The following P2RX7 variants were observed in gnomAD, a reference collection of about 807,000 sequenced individuals.
The protein encoded by P2RX7 is purinergic receptor P2X 7.
Under a neutral mutation model 71.6 loss-of-function variants are expected in P2RX7, and 62 were observed. The observed-to-expected ratio is 0.87, with a 90% CI of 0.71 to 1.07. P2RX7 has a LOEUF of 1.07. Among genes scored for constraint, P2RX7 ranks in the 50% least tolerant of loss-of-function variants. The probability of loss-of-function intolerance (pLI) is 0.00; values close to 1 mark genes in which losing one functional copy is unlikely to be tolerated. For synonymous variants in P2RX7, 299 were observed against 283.3 expected, an observed-to-expected ratio of 1.06 and a Z score of -0.56; for missense variants, 686 against 748.5, an observed-to-expected ratio of 0.92 and a Z score of 0.97.
intron 3 of P2RX7, among the ~76,000 whole-genome samples, chr12:121,157,235 C>T (rs1359323783): frequency 6.6e-6 from 1 of 152,194 alleles, no homozygotes; most frequent in Non-Finnish European, 1.5e-5. Context: ...CACTGATGAG[C>T]AGGACCAGCC....
chr12:121,133,096 G>A lies in P2RX7; in HGVS notation c.125+1G>A. On this transcript the variant is annotated splice_donor_variant, in intron 1 of 12. Coordinates refer to ENST00000328963, the MANE Select transcript of P2RX7 (RefSeq NM_002562.6). LOFTEE classifies it high-confidence loss of function. ...ACGTGATCATCTTTTCCTACGTTTG[G>A]TAAGTGGGATCTGGGGAGGACCCAG... The A allele has an allele frequency of 6.2e-7, 1 of 1,614,148 alleles. No homozygotes were observed. Among genetic ancestry groups the A allele is most frequent in the Non-Finnish European group, 8.5e-7 (1 of 1,180,004 alleles).
chr12:121,137,846 A>G (rs1874017769), intron 1 of P2RX7, among the ~76,000 whole-genome samples: 1 of 152,266 alleles, frequency 6.6e-6, no homozygotes, highest in African/African-American at 2.4e-5. Context: ...GGTTCTGGCC[A>G]GCTGTCCCTA....
chr12:121,154,851 G>A lies in P2RX7; in HGVS notation c.192G>A (p.Lys64=). The A allele has an allele frequency of 6.2e-7, 1 of 1,614,226 alleles. No homozygotes were observed. The highest frequency in any genetic ancestry group is 8.5e-7 in the Non-Finnish European group (1 of 1,180,038). The change falls in exon 2 of 13, where the codon AAG becomes AAA. Residue 64 remains lysine, a synonymous_variant. Coordinates refer to ENST00000328963, the MANE Select transcript of P2RX7 (RefSeq NM_002562.6). The surrounding 1 kb of genome is among the most constrained non-coding windows in gnomAD (Gnocchi z 4.2). ...KEPVISSVHT[K]VKGIAEVKEE... ...CTGTCATCAGTTCTGTGCACACCAAGGTGAAGGGGATAGCAGAGGTGAAAG... is the reference window on the plus strand; with the variant it reads ...CTGTCATCAGTTCTGTGCACACCAAAGTGAAGGGGATAGCAGAGGTGAAAG...
rs780351949 is a variant in P2RX7, at chr12:121,187,135, G to C, written c.*2333G>C. 2 of 152,130 alleles carry C rather than the reference G, an allele frequency of 1.3e-5. No homozygotes were observed. Among genetic ancestry groups the C allele is most frequent in the Non-Finnish European group, 2.9e-5 (2 of 68,022 alleles). The allele number at this position is 152,130 out of a possible 1,614,324, so 9.4% of individuals were successfully genotyped here. A position where few individuals can be genotyped will look rare whatever the true frequency, so the allele number is the denominator to read the frequency against. On this transcript the variant is annotated 3_prime_UTR_variant, in exon 13 of 13. Coordinates refer to ENST00000328963, the MANE Select transcript of P2RX7 (RefSeq NM_002562.6). The stretch of plus-strand genomic sequence containing the variant: ...GGTCACTAGAGTTGGCTATTTATCT[G>C]TTTCTAAACAATAGCTATTTTATCG...
intron 5 of P2RX7, among the ~76,000 whole-genome samples, chr12:121,163,097 G>C (rs1022350553): frequency 6.6e-6 from 1 of 152,010 alleles, no homozygotes; most frequent in Admixed American, 6.6e-5. Context: ...GAAGCCACAA[G>C]GGCTGATGTA....
chr12:121,175,932 G>A lies in P2RX7; in HGVS notation c.972+454G>A, dbSNP rs867398373. ...CATCATCAAGAACTTGCCACCTTCCGTGTCTTATATACGTCCTCCTTGGTC... is the reference window on the plus strand; with the variant it reads ...CATCATCAAGAACTTGCCACCTTCCATGTCTTATATACGTCCTCCTTGGTC... On this transcript the variant is annotated intron_variant, in intron 9 of 12. Transcript: ENST00000328963. Among the ~76,000 whole-genome samples, 6 of 152,192 alleles carry A rather than the reference G, an allele frequency of 3.9e-5. No individual in the cohort carries two copies. The South Asian group carries it at 1.0e-3, about 26-fold the overall frequency.
At chr12:121,140,680 T>C (rs1208217700) in intron 1 of P2RX7, among the ~76,000 whole-genome samples, 1 of 152,078 alleles carries the variant, frequency 6.6e-6, no homozygotes, top group East Asian at 1.9e-4. Context: ...AACACGGAAC[T>C]GTGAAGGAGG....
At chr12:121,150,845 G>A (rs1161332882) in intron 1 of P2RX7, among the ~76,000 whole-genome samples, 1 of 152,182 alleles carries the variant, frequency 6.6e-6, no homozygotes, top group African/African-American at 2.4e-5. Flanking sequence ...GGAGGCGGAG[G>A]TTGCAGTAAG....
At chr12:121,167,317 G>A (rs971241781) in intron 7 of P2RX7, among the ~76,000 whole-genome samples, 171 bp from the exon 8 acceptor site, 9 of 152,078 alleles carry the variant, frequency 5.9e-5, no homozygotes, top group African/African-American at 2.2e-4. Context: ...AGATGCGATT[G>A]TGGCTGCCAC....
intron 11 of P2RX7, among the ~76,000 whole-genome samples, chr12:121,180,101 A>C (rs923500603): frequency 6.9e-6 from 1 of 145,706 alleles, no homozygotes; most frequent in African/African-American, 2.6e-5. Flanking sequence ...GTGAGCCAAG[A>C]TCATGCCATT....
Position 121,167,193 on chromosome 12 carries a change from G to A in P2RX7, c.745-295G>A, listed in dbSNP as rs891522882. Among the ~76,000 whole-genome samples, 3 of 152,016 alleles carry A rather than the reference G, an allele frequency of 2.0e-5. No homozygotes were observed. The East Asian group carries it at 5.8e-4, about 29-fold the overall frequency. ...ATAAGTTTGGACTTGATCTTTAATG[G>A]GGGCGTGGGGGGCATTAAAGGTGTT... is the stretch of plus-strand genomic sequence containing the variant. On this transcript the variant is annotated intron_variant, in intron 7 of 12. Coordinates refer to ENST00000328963, the MANE Select transcript of P2RX7 (RefSeq NM_002562.6).
chr12:121,143,859 G>A (rs1436639568), intron 1 of P2RX7, among the ~76,000 whole-genome samples: 1 of 152,054 alleles, frequency 6.6e-6, no homozygotes, highest in African/African-American at 2.4e-5. Context: ...TCAAAAAAAA[G>A]AAAGTCTCTT....
chr12:121,152,811 C>A (rs1877727701), intron 1 of P2RX7, among the ~76,000 whole-genome samples: 1 of 152,244 alleles, frequency 6.6e-6, no homozygotes, highest in South Asian at 2.1e-4. Context: ...AGCCACTGTG[C>A]CTGGCTCAAA....
Position 121,186,068 on chromosome 12 carries a change from GAAAA to G in P2RX7, c.*1273_*1276del, listed in dbSNP as rs1173264389. 3.5e-5 allele frequency: 5 copies of G among 142,118 alleles called. No homozygotes were observed. The highest frequency in any genetic ancestry group is 1.3e-4 in the African/African-American group (5 of 37,804). 8.8% of individuals were successfully genotyped at this position (142,118 alleles called of 1,614,324 possible). The stretch of plus-strand genomic sequence containing the variant: ...GACTCCATCTCAAAAAAAAAAAAAA[GAAAA>G]AAAAAATGTCTGCCTATCCTGAGAC... On this transcript the variant is annotated 3_prime_UTR_variant, in exon 13 of 13. Coordinates refer to ENST00000328963, the MANE Select transcript of P2RX7 (RefSeq NM_002562.6).
In P2RX7 at chr12:121,132,998, G is replaced by A. The variant is rs773917879; in HGVS notation, c.28G>A (p.Val10Ile). MPACCSCSDVFQYETNKVTR... is the reference protein window; with the variant it reads MPACCSCSDIFQYETNKVTR... ...GCCGGCCTGCTGCAGCTGCAGTGAT[G>A]TTTTCCAGTATGAGACGAACAAAGT... Residue 10 changes from valine (V) to isoleucine (I), a missense_variant, in exon 1 of 13, where the codon GTT becomes ATT. Val to Ile is a conservative substitution (Grantham distance 29). Transcript: ENST00000328963. 1.2e-6 allele frequency: 2 copies of A among 1,614,054 alleles called. No homozygotes were observed. The highest frequency in any genetic ancestry group is 2.2e-5 in the East Asian group (1 of 44,866).
At position 121,185,037 on chromosome 12, in the gene P2RX7, A is replaced by G; in HGVS notation, c.*235A>G. ...GAGGCAGAGGTTGTAGTGAGCCCAG[A>G]TTGTGCCACTGCTCTCCAGCCTGGG... is the stretch of plus-strand genomic sequence containing the variant. On this transcript the variant is annotated 3_prime_UTR_variant, in exon 13 of 13. Coordinates refer to ENST00000328963, the MANE Select transcript of P2RX7 (RefSeq NM_002562.6). The G allele has an allele frequency of 2.3e-6, 1 of 429,554 alleles. No individual in the cohort carries two copies. Among genetic ancestry groups the G allele is most frequent in the Non-Finnish European group, 4.2e-6 (1 of 237,966 alleles). The allele number at this position is 429,554 out of a possible 1,614,324, so 26.6% of individuals were successfully genotyped here.
intron 1 of P2RX7, among the ~76,000 whole-genome samples, chr12:121,150,466 T>C (rs1877154465): frequency 6.6e-6 from 1 of 152,234 alleles, no homozygotes; most frequent in Non-Finnish European, 1.5e-5. Flanking sequence ...ACCATGTATG[T>C]GTTGGGATGC....
At chr12:121,180,080 C>T (rs1384766167) in intron 11 of P2RX7, among the ~76,000 whole-genome samples, 4 of 134,718 alleles carry the variant, frequency 3.0e-5, no homozygotes, top group Non-Finnish European at 4.6e-5. Flanking sequence ...ACCTGGGAGG[C>T]GGAGGTTGCA....
At chr12:121,180,704 T>C (rs1314993806) in intron 12 of P2RX7, among the ~76,000 whole-genome samples, 1 of 152,176 alleles carries the variant, frequency 6.6e-6, no homozygotes, top group African/African-American at 2.4e-5. Flanking sequence ...GGCTCACACC[T>C]GCAATCCCAG....
Sources: allele counts gnomAD v4.1 joint callset (sites outside exome capture counted in the v4.1 genomes callset), GRCh38; gene constraint gnomAD v4.1.1; non-coding constraint Gnocchi (gnomAD v3.1); transcripts MANE v1.5; gene names NCBI Gene and HGNC (gene_info 2026-07-23, HGNC 2026-07-21).